The following PPM1G variants were observed in gnomAD, a reference collection of about 807,000 sequenced individuals.
PPM1G encodes protein phosphatase 1G.
Under a neutral mutation model 59.4 loss-of-function variants are expected in PPM1G, and 12 were observed. The observed-to-expected ratio is 0.20, with a 90% confidence interval of 0.13 to 0.33. PPM1G has a LOEUF of 0.33. Ranked by LOEUF, PPM1G falls within the 10% of genes least tolerant of loss-of-function variation. The pLI, the probability that PPM1G is intolerant of heterozygous loss-of-function variation, is 1.00. For missense variants in PPM1G, 392 were observed against 681.3 expected (o/e 0.58, Z 4.73); for synonymous variants, 245 against 251.9 (o/e 0.97, Z 0.26).
Position 27,384,791 on chromosome 2 carries a change from T to A in PPM1G, c.707A>T (p.Glu236Val). ...QVGEPGIPTG[E>V]AGPSCSSASD... The stretch of plus-strand genomic sequence containing the variant: ...GGCTGAAGAGCAGGAAGGCCCAGCC[T>A]CACCAGTGGGAATGCCAGGCTCACC... The change falls in exon 5 of 10, where the codon GAG becomes GTG. Residue 236 changes from glutamate to valine, a missense_variant. Glu to Val is a moderately radical substitution (Grantham distance 121). This residue lies in a region of PPM1G where 188 missense variants were observed against 248.8 expected (regional missense o/e 0.76). Coordinates refer to ENST00000344034, the MANE Select transcript of PPM1G (RefSeq NM_177983.3). This position sits in a 1 kb window ranked among gnomAD's most constrained non-coding sequence, Gnocchi z 4.8. The A allele has an allele frequency of 6.2e-7, 1 of 1,614,250 alleles. No homozygotes were observed. The highest frequency in any genetic ancestry group is 8.5e-7 in the Non-Finnish European group (1 of 1,180,046).
At chr2:27,389,490 C>T (rs1421797316) in intron 1 of PPM1G, among the ~76,000 whole-genome samples, 1 of 152,028 alleles carries the variant, frequency 6.6e-6, no homozygotes, top group Admixed American at 6.6e-5. Context: ...TTAATTTGCC[C>T]CCTTTACATG....
intron 1 of PPM1G, among the ~76,000 whole-genome samples, chr2:27,396,008 C>T (rs567778819): frequency 3.9e-5 from 6 of 152,106 alleles, no homozygotes; most frequent in East Asian, 1.9e-4. Flanking sequence ...CAGTGGCTCA[C>T]GCCTGTAATC....
intron 1 of PPM1G, among the ~76,000 whole-genome samples, chr2:27,407,854 C>A (rs1009275959): frequency 2.6e-5 from 4 of 152,044 alleles, no homozygotes; most frequent in African/African-American, 9.7e-5. Context: ...TCAACACCAG[C>A]CTGACCCACA....
intron 1 of PPM1G, chr2:27,392,995 G>A: frequency 6.6e-6 from 10 of 1,522,010 alleles, no homozygotes; most frequent in Non-Finnish European, 8.1e-6. Flanking sequence ...TTCCAGTAGT[G>A]ACTGATTCAC....
intron 1 of PPM1G, among the ~76,000 whole-genome samples, chr2:27,406,447 G>A (rs1394607454): frequency 6.6e-6 from 1 of 152,174 alleles, no homozygotes; most frequent in Non-Finnish European, 1.5e-5. Flanking sequence ...AAGAGGATTT[G>A]ATTAGGCATA....
chr2:27,383,966 C>T lies in PPM1G; in HGVS notation c.952G>A (p.Glu318Lys), dbSNP rs1351271174. The change falls in exon 6 of 10, where the codon GAA becomes AAA. Residue 318 changes from glutamate (E) to lysine (K), a missense_variant. Physicochemically the swap from Glu to Lys is moderately conservative, Grantham distance 56. Transcript: ENST00000344034. The surrounding 1 kb of genome is among the most constrained non-coding windows in gnomAD (Gnocchi z 5.0). ...TCCCCACACACCTCCTCTTTGCCTT[C>T]CATCCCTGGCACCATCATCTCTTCT... ...EEEEMMVPGM[E>K]GKEEPGSDSG... is the part of the protein sequence containing the mutation. The T allele has an allele frequency of 6.4e-7, 1 of 1,553,736 alleles. No homozygotes were observed. Among genetic ancestry groups the T allele is most frequent in the Non-Finnish European group, 8.7e-7 (1 of 1,147,890 alleles).
chr2:27,405,185 T>C (rs1411759684), intron 1 of PPM1G, among the ~76,000 whole-genome samples: 2 of 150,140 alleles, frequency 1.3e-5, no homozygotes, highest in African/African-American at 4.9e-5. Context: ...GCGATTCTCC[T>C]GCCTCAGCCT....
rs780097 is a variant in PPM1G at position 27,399,938 on chromosome 2, T to G, written c.120+9365A>C. ...CACAAAAATTTGTACATAGTATCAC[T>G]ATTTATAATAGCAAAAAAAAAAAAA... On this transcript the variant is annotated intron_variant, in intron 1 of 9. Transcript: ENST00000344034. 5.2e-3 allele frequency among the ~76,000 whole-genome samples: 720 copies of G among 137,784 alleles called. 4 individuals are homozygous for G. The highest frequency in any genetic ancestry group is 0.019 in the African/African-American group (684 of 36,710). 90.4% of individuals were successfully genotyped at this position (137,784 alleles called of 152,430 possible).
Position 27,384,327 on chromosome 2 carries a change from G to T in PPM1G, c.826-235C>A, listed in dbSNP as rs1007806177. Among the ~76,000 whole-genome samples, 5 of 152,194 alleles carry T rather than the reference G, an allele frequency of 3.3e-5. No homozygotes were observed. The highest frequency in any genetic ancestry group is 5.9e-5 in the Non-Finnish European group (4 of 68,042). Reference sequence around the variant, plus strand: ...GCCCAGGACAAGGCAAGGGCTGCCAGCCAAAAATATCTTTCAGGCACTGTG... The same window carrying T: ...GCCCAGGACAAGGCAAGGGCTGCCATCCAAAAATATCTTTCAGGCACTGTG... On this transcript the variant is annotated intron_variant, in intron 5 of 9. Coordinates refer to ENST00000344034, the MANE Select transcript of PPM1G (RefSeq NM_177983.3). The surrounding 1 kb of genome is among the most constrained non-coding windows in gnomAD (Gnocchi z 4.8).
intron 1 of PPM1G, among the ~76,000 whole-genome samples, chr2:27,391,073 T>G (rs993539200): frequency 1.3e-5 from 2 of 152,236 alleles, no homozygotes; most frequent in Non-Finnish European, 2.9e-5. Context: ...TCTTTTCTTT[T>G]CTAGTCCGCC....
Position 27,384,805 on chromosome 2 carries a change from G to A in PPM1G, c.693C>T (p.Gly231=). The change falls in exon 5 of 10, where the codon GGC becomes GGT. Residue 231 remains glycine, a synonymous_variant. Coordinates refer to ENST00000344034, the MANE Select transcript of PPM1G (RefSeq NM_177983.3). This position sits in a 1 kb window ranked among gnomAD's most constrained non-coding sequence, Gnocchi z 4.8. ...AAGGCCCAGCCTCACCAGTGGGAATGCCAGGCTCACCAACTTGGCCTGCCT... is the reference window on the plus strand; with the variant it reads ...AAGGCCCAGCCTCACCAGTGGGAATACCAGGCTCACCAACTTGGCCTGCCT... ...GTEAGQVGEP[G]IPTGEAGPSC... 6.2e-7 allele frequency: 1 copy of A among 1,614,222 alleles called. No individual in the cohort carries two copies. The highest frequency in any genetic ancestry group is 8.5e-7 in the Non-Finnish European group (1 of 1,180,040).
At position 27,383,855 on chromosome 2, in the gene PPM1G, A is replaced by G; in HGVS notation, c.966+97T>C. 4.0e-6 allele frequency: 6 copies of G among 1,494,386 alleles called. No individual in the cohort carries two copies. The highest frequency in any genetic ancestry group is 4.9e-5 in the East Asian group (2 of 40,704). 92.6% of individuals were successfully genotyped at this position (1,494,386 alleles called of 1,614,324 possible). ...TCCCCATGACTATTACTTCCATCCT[A>G]AAGTATCAGGGGGATCCCCTGTCTC... is the stretch of plus-strand genomic sequence containing the variant. On this transcript the variant is annotated intron_variant, in intron 6 of 9. Coordinates refer to ENST00000344034, the MANE Select transcript of PPM1G (RefSeq NM_177983.3). This position sits in a 1 kb window ranked among gnomAD's most constrained non-coding sequence, Gnocchi z 5.0.
At chr2:27,391,777 G>A (rs1683911770) in intron 1 of PPM1G, among the ~76,000 whole-genome samples, 1 of 150,736 alleles carries the variant, frequency 6.6e-6, no homozygotes, top group East Asian at 1.9e-4. Context: ...CTGTTGCCAG[G>A]GTGGAGTGCA....
In PPM1G at chr2:27,385,215, G is replaced by C; in HGVS notation, c.410-127C>G. ...ACCTCCCACTCCCAAGGTTCCTCTC[G>C]CTCAAGTCTCAGAAGAACATGCCCT... On this transcript the variant is annotated intron_variant, in intron 4 of 9. Coordinates refer to ENST00000344034, the MANE Select transcript of PPM1G (RefSeq NM_177983.3). This position sits in a 1 kb window ranked among gnomAD's most constrained non-coding sequence, Gnocchi z 4.1. 9.1e-7 allele frequency: 1 copy of C among 1,094,598 alleles called. No homozygotes were observed. Among genetic ancestry groups the C allele is most frequent in the Non-Finnish European group, 1.3e-6 (1 of 787,930 alleles). 67.8% of individuals were successfully genotyped at this position (1,094,598 alleles called of 1,614,324 possible).
chr2:27,404,078 A>T (rs2911712), intron 1 of PPM1G, among the ~76,000 whole-genome samples: 71,496 of 151,922 alleles, frequency 0.47, 18,530 homozygotes, highest in African/African-American at 0.69. Flanking sequence ...TGACTGAAAC[A>T]AATATGCAGG....
intron 1 of PPM1G, among the ~76,000 whole-genome samples, chr2:27,403,670 T>C (rs1168904638): frequency 6.6e-6 from 1 of 151,744 alleles, no homozygotes; most frequent in Admixed American, 6.6e-5. Context: ...GCAGATCACC[T>C]GAGGTCAGGA....
chr2:27,385,202 C>CA lies in PPM1G; in HGVS notation c.410-115dup. ...TAACTTCCCCACAACCTCCCACTCC[C>CA]AAGGTTCCTCTCGCTCAAGTCTCAG... On this transcript the variant is annotated intron_variant, in intron 4 of 9. Transcript: ENST00000344034. This position sits in a 1 kb window ranked among gnomAD's most constrained non-coding sequence, Gnocchi z 4.1. 8.4e-7 allele frequency: 1 copy of CA among 1,195,972 alleles called. No individual in the cohort carries two copies. Among genetic ancestry groups the CA allele is most frequent in the Non-Finnish European group, 1.1e-6 (1 of 872,272 alleles). 74.1% of individuals were successfully genotyped at this position (1,195,972 alleles called of 1,614,324 possible).
chr2:27,381,820 G>A lies in PPM1G; in HGVS notation c.1435-15C>T. On this transcript the variant is annotated splice_polypyrimidine_tract_variant and intron_variant, in intron 9 of 9. Transcript: ENST00000344034. ...TGATCCAGCAGCTAAGAAAGGGATG[G>A]GGGTAGCTCAGCCACAGGGTTTGAA... 6.2e-7 allele frequency: 1 copy of A among 1,611,284 alleles called. No homozygotes were observed. Among genetic ancestry groups the A allele is most frequent in the East Asian group, 2.2e-5 (1 of 44,830 alleles).
At chr2:27,395,765 G>A (rs1232455520) in intron 1 of PPM1G, among the ~76,000 whole-genome samples, 1 of 149,994 alleles carries the variant, frequency 6.7e-6, no homozygotes, top group East Asian at 2.0e-4. Flanking sequence ...GACTGCTTGA[G>A]CCCAGAGGTT....
Sources: gnomAD v4.1 joint callset for allele counts (sites outside exome capture counted in the v4.1 genomes callset) on GRCh38, gnomAD v4.1.1 for gene constraint, gnomAD v4.1.1 regional missense constraint, Gnocchi (gnomAD v3.1) non-coding constraint, MANE v1.5 for transcripts, NCBI Gene and HGNC (gene_info 2026-07-23, HGNC 2026-07-21) for gene names.